NTM: variants seen among roughly 807,000 people sequenced by gnomAD.
NTM encodes the protein IgLON family member 2.
In NTM, 13 loss-of-function variants were observed where a neutral mutation model predicts 42.1. The ratio of observed to expected loss-of-function variants is 0.31; its 90% CI spans 0.20 to 0.49. The LOEUF (loss-of-function observed/expected upper bound fraction) is 0.49, where lower values mean the gene tolerates loss of function less well. Among genes scored for constraint, NTM ranks in the 20% least tolerant of loss-of-function variants. The pLI is 0.99. For missense variants in NTM, 373 were observed against 452.8 expected (o/e 0.82, Z 1.60); for synonymous variants, 187 against 179.2 (o/e 1.04, Z -0.35).
At chr11:131,845,540 G>A (rs1261824395) in intron 1 of NTM, among the ~76,000 whole-genome samples, 1 of 151,716 alleles carries the variant, frequency 6.6e-6, no homozygotes, top group African/African-American at 2.4e-5. Flanking sequence ...AGAGAGCCGG[G>A]GGAACAATAT....
intron 1 of NTM, among the ~76,000 whole-genome samples, chr11:131,731,374 G>C (rs1353172330): frequency 6.7e-6 from 1 of 148,446 alleles, no homozygotes; most frequent in South Asian, 2.2e-4. Context: ...TCAACACTTA[G>C]TCTTGATGCT....
chr11:131,628,769 C>G (rs963875727), intron 1 of NTM, among the ~76,000 whole-genome samples: 1 of 152,212 alleles, frequency 6.6e-6, no homozygotes, highest in Non-Finnish European at 1.5e-5. Context: ...AGACACTAAA[C>G]GGTGGGCTGA....
chr11:132,155,094 G>C (rs187037622), intron 3 of NTM, among the ~76,000 whole-genome samples: 1 of 152,294 alleles, frequency 6.6e-6, no homozygotes, highest in African/African-American at 2.4e-5. Flanking sequence ...TTAATTGGGA[G>C]TCTGCACAAT....
chr11:132,171,379 A>G (rs1338478789), intron 3 of NTM, among the ~76,000 whole-genome samples: 1 of 152,204 alleles, frequency 6.6e-6, no homozygotes, highest in African/African-American at 2.4e-5. Context: ...GTCCGAGATC[A>G]AGGTTCTGGC....
chr11:132,204,578 G>A (rs1387735968), intron 3 of NTM, among the ~76,000 whole-genome samples: 1 of 152,172 alleles, frequency 6.6e-6, no homozygotes, highest in Non-Finnish European at 1.5e-5. Context: ...GTGAGTAGCA[G>A]GAGAAAGGCA....
chr11:131,435,031 A>T (rs1216160361), intron 1 of NTM, among the ~76,000 whole-genome samples: 1 of 152,216 alleles, frequency 6.6e-6, no homozygotes, highest in Non-Finnish European at 1.5e-5. Flanking sequence ...TCCCAGCACC[A>T]TTTATTAAAT....
rs774125472 is a variant in NTM, at chr11:131,976,151, CCTTCCTTT to C, written c.167+64511_167+64518del. ...TCCTTCCTTCCTTCCTTCCTTCCTT[CCTTCCTTT>C]CTTCCTTCCTTCCTTTCTTCCTTTC... On this transcript the variant is annotated intron_variant, in intron 2 of 8. Transcript: ENST00000683400. Among the ~76,000 whole-genome samples, 515 of 141,244 alleles carry C rather than the reference CCTTCCTTT, an allele frequency of 3.6e-3. 1 individual carries two copies. The highest frequency in any genetic ancestry group is 5.6e-3 in the Non-Finnish European group (361 of 64,640). 92.7% of individuals were successfully genotyped at this position (141,244 alleles called of 152,430 possible).
At chr11:131,518,234 G>C (rs929708862) in intron 1 of NTM, among the ~76,000 whole-genome samples, 3 of 152,074 alleles carry the variant, frequency 2.0e-5, no homozygotes, top group Admixed American at 6.5e-5. Flanking sequence ...CGAAACGGAG[G>C]CTCAGGGAAG....
At chr11:131,790,096 G>C (rs749808177) in intron 1 of NTM, among the ~76,000 whole-genome samples, 1 of 151,070 alleles carries the variant, frequency 6.6e-6, no homozygotes, top group Non-Finnish European at 1.5e-5. Context: ...ATATTTCAAA[G>C]TACAGATTAA....
chr11:132,162,687 A>C (rs1308652552), intron 3 of NTM, among the ~76,000 whole-genome samples: 1 of 139,046 alleles, frequency 7.2e-6, no homozygotes, highest in Non-Finnish European at 1.5e-5. Context: ...GTGTTTGTGT[A>C]GGGAATGTGT....
At chr11:131,691,397 C>A (rs924964636) in intron 1 of NTM, among the ~76,000 whole-genome samples, 3 of 152,190 alleles carry the variant, frequency 2.0e-5, no homozygotes, top group African/African-American at 4.8e-5. Context: ...CCGCCCCGTG[C>A]GCCCAGGGAG....
chr11:131,825,891 A>C (rs1311485126), intron 1 of NTM, among the ~76,000 whole-genome samples: 1 of 152,200 alleles, frequency 6.6e-6, no homozygotes, highest in Non-Finnish European at 1.5e-5. Flanking sequence ...AATATCCTAG[A>C]GGAAACAGCG....
At chr11:132,007,481 A>G (rs752381253) in intron 2 of NTM, among the ~76,000 whole-genome samples, 8 of 152,162 alleles carry the variant, frequency 5.3e-5, no homozygotes, top group Non-Finnish European at 1.2e-4. Flanking sequence ...GTCAACAGCT[A>G]TGGACTCAGT....
chr11:131,923,011 T>C (rs1464203002), intron 2 of NTM, among the ~76,000 whole-genome samples: 1 of 152,086 alleles, frequency 6.6e-6, no homozygotes, highest in Non-Finnish European at 1.5e-5. Context: ...GCTATAAACT[T>C]ATGGGCCTAG....
intron 1 of NTM, among the ~76,000 whole-genome samples, chr11:131,772,052 C>T (rs2086189626): frequency 6.6e-6 from 1 of 152,128 alleles, no homozygotes; most frequent in Non-Finnish European, 1.5e-5. Flanking sequence ...TTTCTACTGC[C>T]ATTTAACTTA....
chr11:131,748,913 C>T (rs1396992382), intron 1 of NTM, among the ~76,000 whole-genome samples: 3 of 152,184 alleles, frequency 2.0e-5, no homozygotes, highest in Non-Finnish European at 4.4e-5. Flanking sequence ...GGGCTTTTGA[C>T]ATCAGAGGGG....
At chr11:131,484,349 A>G (rs1591799975) in intron 1 of NTM, among the ~76,000 whole-genome samples, 1 of 152,344 alleles carries the variant, frequency 6.6e-6, no homozygotes, top group African/African-American at 2.4e-5. Context: ...AAAAGATACA[A>G]GACTGGCACA....
chr11:131,748,158 C>A (rs1415373986), intron 1 of NTM, among the ~76,000 whole-genome samples: 1 of 152,216 alleles, frequency 6.6e-6, no homozygotes, highest in Non-Finnish European at 1.5e-5. Context: ...TCAACCAAGT[C>A]TGTTAAGGGT....
At chr11:131,490,237 T>A (rs77588177) in intron 1 of NTM, among the ~76,000 whole-genome samples, 1,596 of 152,232 alleles carry the variant, frequency 0.01, 18 homozygotes, top group African/African-American at 0.035. Flanking sequence ...ACATGAGGCG[T>A]GGTGGGGCCA....
Sources: gnomAD v4.1 joint callset for allele counts (sites outside exome capture counted in the v4.1 genomes callset) on GRCh38, gnomAD v4.1.1 for gene constraint, MANE v1.5 for transcripts, NCBI Gene and HGNC (gene_info 2026-07-23, HGNC 2026-07-21) for gene names.